The following COL19A1 variants were observed in gnomAD, a reference collection of about 807,000 sequenced individuals.
The protein encoded by COL19A1 is collagen type XIX alpha 1 chain.
Under a neutral mutation model 190.2 loss-of-function variants are expected in COL19A1, and 159 were observed. The ratio of observed to expected loss-of-function variants is 0.84; its 90% confidence interval spans 0.73 to 0.95. COL19A1 has a LOEUF of 0.95. COL19A1 is among the 40% of genes least tolerant of loss of function. COL19A1 has a pLI of 0.00. For synonymous variants in COL19A1, 509 were observed against 458.9 expected (o/e 1.11, Z -1.39); for missense variants, 1,418 against 1,431.9 (o/e 0.99, Z 0.16).
intron 2 of COL19A1, 159 bp downstream of exon 2, chr6:69,879,817 C>A: frequency 1.5e-6 from 1 of 679,802 alleles, no homozygotes; most frequent in Non-Finnish European, 2.4e-6. Flanking sequence ...CCATGATGCA[C>A]ATTAGGAATT....
In COL19A1 at chr6:70,102,283, C is replaced by T. The variant is rs140204740; in HGVS notation, c.1278+61C>T. 2,006 of 1,238,718 alleles carry T rather than the reference C, an allele frequency of 1.6e-3. 54 individuals are homozygous for T. In the East Asian group the frequency reaches 0.042, roughly 26 times the overall value. The allele number at this position is 1,238,718 out of a possible 1,614,324, so 76.7% of individuals were successfully genotyped here. A position where few individuals can be genotyped will look rare whatever the true frequency, so the allele number is the denominator to read the frequency against. ...GTCTGTCTTTATGTCTGTGTGTTTA[C>T]CTAAGGATTATTTTACTCCCCTGTA... On this transcript the variant is annotated intron_variant, in intron 16 of 50. Transcript: ENST00000620364.
chr6:70,134,842 C>T (rs1785744792), intron 18 of COL19A1, among the ~76,000 whole-genome samples: 1 of 152,172 alleles, frequency 6.6e-6, no homozygotes. Flanking sequence ...CAACAGACAC[C>T]AGCTGATTGT....
chr6:70,042,766 A>C (rs1364176926), intron 14 of COL19A1, among the ~76,000 whole-genome samples: 1 of 152,180 alleles, frequency 6.6e-6, no homozygotes, highest in East Asian at 1.9e-4. Flanking sequence ...AAATATATAT[A>C]ATATTTCAAA....
chr6:69,867,093 C>CT (rs3044170), intron 1 of COL19A1, among the ~76,000 whole-genome samples: 4,076 of 141,020 alleles, frequency 0.029, 89 homozygotes, highest in Non-Finnish European at 0.04. Flanking sequence ...CGTTAGAGCG[C>CT]TTTTTTTTTT....
chr6:69,922,268 A>G (rs1006133435), intron 4 of COL19A1, among the ~76,000 whole-genome samples: 3 of 151,804 alleles, frequency 2.0e-5, no homozygotes, highest in Non-Finnish European at 4.4e-5. Flanking sequence ...AATTATAAAG[A>G]TTTTCATTCA....
At chr6:70,131,256 C>T (rs1213181954) in intron 18 of COL19A1, 1 of 222,200 alleles carries the variant, frequency 4.5e-6, no homozygotes, top group Non-Finnish European at 9.3e-6. Flanking sequence ...GTGCTACTTT[C>T]ATTCATTCAC....
At chr6:70,084,221 C>T (rs1018165410) in intron 15 of COL19A1, among the ~76,000 whole-genome samples, 4 of 152,124 alleles carry the variant, frequency 2.6e-5, no homozygotes, top group South Asian at 4.1e-4. Flanking sequence ...ATCCAGGTAA[C>T]GGTTGGTGAA....
chr6:69,919,613 A>G (rs1030293158), intron 4 of COL19A1, among the ~76,000 whole-genome samples: 4 of 152,158 alleles, frequency 2.6e-5, no homozygotes, highest in African/African-American at 7.2e-5. Flanking sequence ...TAGAGAATGA[A>G]GTTAATATGG....
intron 18 of COL19A1, among the ~76,000 whole-genome samples, chr6:70,131,456 T>G (rs2150223957): frequency 6.6e-6 from 1 of 152,264 alleles, no homozygotes; most frequent in East Asian, 1.9e-4. Flanking sequence ...GAAAATGAAA[T>G]TTTCTGCTAA....
intron 11 of COL19A1, among the ~76,000 whole-genome samples, 199 bp downstream of exon 11, chr6:69,963,069 G>T (rs1309549901): frequency 6.6e-6 from 1 of 151,928 alleles, no homozygotes; most frequent in Non-Finnish European, 1.5e-5. Context: ...TTATTTGGAT[G>T]GTATTAATAG....
intron 9 of COL19A1, among the ~76,000 whole-genome samples, chr6:69,958,620 G>A (rs1376231497): frequency 2.0e-5 from 3 of 152,084 alleles, no homozygotes; most frequent in African/African-American, 7.2e-5. Context: ...ATTACATTTA[G>A]CAGCAAAGTT....
At chr6:70,045,784 C>A (rs1378784670) in intron 14 of COL19A1, among the ~76,000 whole-genome samples, 1 of 152,188 alleles carries the variant, frequency 6.6e-6, no homozygotes, top group Non-Finnish European at 1.5e-5. Flanking sequence ...AAACTCTGTC[C>A]TCAGATTTTT....
chr6:70,009,338 T>C (rs573360092), intron 11 of COL19A1, among the ~76,000 whole-genome samples: 1 of 152,202 alleles, frequency 6.6e-6, no homozygotes, highest in East Asian at 1.9e-4. Context: ...CAAATTTTTA[T>C]TTGATTTCCG....
rs113501564 is a variant in COL19A1 at position 69,962,812 on chromosome 6, T to C, written c.982-14T>C. 1 of 1,590,190 alleles carries C rather than the reference T, an allele frequency of 6.3e-7. No individual in the cohort carries two copies. The highest frequency in any genetic ancestry group is 8.6e-7 in the Non-Finnish European group (1 of 1,163,710). ...CATTTTTATTACTATACACATCATA[T>C]TCCTCTTCTACAGGGAGAGCAAGGT... On this transcript the variant is annotated splice_polypyrimidine_tract_variant and intron_variant, in intron 10 of 50. Coordinates refer to ENST00000620364, the MANE Select transcript of COL19A1 (RefSeq NM_001858.6).
rs1561996609 is a variant in COL19A1 at position 69,921,058 on chromosome 6, T to TAGGCATATC, written c.267-6850_267-6849insGGCATATCA. Among the ~76,000 whole-genome samples, 25 of 51,518 alleles carry TAGGCATATC rather than the reference T, an allele frequency of 4.9e-4. 1 individual carries two copies. The highest frequency in any genetic ancestry group is 6.5e-4 in the Non-Finnish European group (20 of 30,830). 33.8% of individuals were successfully genotyped at this position (51,518 alleles called of 152,430 possible). The stretch of plus-strand genomic sequence containing the variant: ...ATCATATATATTCATAGACATATCA[T>TAGGCATATC]ATATATTCATAGACATATCATATAT... On this transcript the variant is annotated intron_variant, in intron 4 of 50. Transcript: ENST00000620364.
chr6:69,977,042 A>G (rs1775749775), intron 11 of COL19A1, among the ~76,000 whole-genome samples: 1 of 152,150 alleles, frequency 6.6e-6, no homozygotes, highest in South Asian at 2.1e-4. Flanking sequence ...ATACCGTTTG[A>G]CCCAGCCATC....
At chr6:69,890,527 A>C (rs1769274478) in intron 2 of COL19A1, 1 of 152,226 alleles carries the variant, frequency 6.6e-6, no homozygotes, top group South Asian at 2.1e-4. Flanking sequence ...AGCTACCATC[A>C]TATCTGGCAT....
At chr6:70,106,844 A>G (rs9454973) in intron 16 of COL19A1, among the ~76,000 whole-genome samples, 25 of 152,236 alleles carry the variant, frequency 1.6e-4, no homozygotes, top group African/African-American at 6.0e-4. Context: ...ATTTCAATAC[A>G]TAAAGATTAC....
intron 14 of COL19A1, among the ~76,000 whole-genome samples, chr6:70,036,661 T>G (rs1779369414): frequency 2.6e-5 from 4 of 151,676 alleles, no homozygotes; most frequent in African/African-American, 9.7e-5. Flanking sequence ...GAGGACAGTT[T>G]TGTTTTGTTT....
Sources: gnomAD v4.1 joint callset for allele counts (sites outside exome capture counted in the v4.1 genomes callset) on GRCh38, gnomAD v4.1.1 for gene constraint, MANE v1.5 for transcripts, NCBI Gene and HGNC (gene_info 2026-07-23, HGNC 2026-07-21) for gene names.